The following OR4K17 variants were observed in gnomAD, a reference collection of about 807,000 sequenced individuals.
The protein encoded by OR4K17 is olfactory receptor family 4 subfamily K member 17.
For synonymous variants in OR4K17, 157 were observed against 132.8 expected (o/e 1.18, Z -1.25); for missense variants, 480 against 366.3 (o/e 1.31, Z -2.53).
In OR4K17 at chr14:20,121,589, C is replaced by T. The variant is rs1340220337; in HGVS notation, c.*3151C>T. The T allele has an allele frequency of 6.6e-6, 1 of 151,478 alleles. No individual in the cohort carries two copies. Among genetic ancestry groups the T allele is most frequent in the South Asian group, 2.1e-4 (1 of 4,802 alleles). The allele number at this position is 151,478 out of a possible 1,614,324, so 9.4% of individuals were successfully genotyped here. A position where few individuals can be genotyped will look rare whatever the true frequency, so the allele number is the denominator to read the frequency against. ...TAACCATAAGATGTGTTATGTAAGC[C>T]TTATGGTAACTACAAATGAAAAACC... On this transcript the variant is annotated 3_prime_UTR_variant, in exon 2 of 2. Coordinates refer to ENST00000641386, the MANE Select transcript of OR4K17 (RefSeq NM_001004715.5).
chr14:20,113,037 A>G (rs1475220675), intron 1 of OR4K17, among the ~76,000 whole-genome samples: 3 of 152,066 alleles, frequency 2.0e-5, no homozygotes, highest in Non-Finnish European at 2.9e-5. Flanking sequence ...TATTGATACA[A>G]TTTGTCATAG....
At chr14:20,115,233 A>G (rs1300409613) in intron 1 of OR4K17, among the ~76,000 whole-genome samples, 4 of 152,134 alleles carry the variant, frequency 2.6e-5, no homozygotes, top group Non-Finnish European at 5.9e-5. Context: ...AAGTGTTTTC[A>G]GGTCCTGGCA....
chr14:20,113,899 CA>C (rs1877932693), intron 1 of OR4K17, among the ~76,000 whole-genome samples: 6 of 151,898 alleles, frequency 4.0e-5, no homozygotes, highest in Admixed American at 3.9e-4. Flanking sequence ...TCTCTATTTT[CA>C]AACAAGTGAG....
rs1877866838 is a variant in OR4K17 at position 20,110,791 on chromosome 14, C to G, written c.-134C>G. The G allele has an allele frequency of 6.6e-6, 1 of 151,958 alleles. No individual in the cohort carries two copies. Among genetic ancestry groups the G allele is most frequent in the East Asian group, 1.9e-4 (1 of 5,194 alleles). The allele number at this position is 151,958 out of a possible 1,614,324, so 9.4% of individuals were successfully genotyped here. A position where few individuals can be genotyped will look rare whatever the true frequency, so the allele number is the denominator to read the frequency against. On this transcript the variant is annotated 5_prime_UTR_variant, in exon 1 of 2. Transcript: ENST00000641386. Reference sequence around the variant, plus strand: ...AACTCCCCTGATTGGAGTCTAGATACTTTAGTGACTTGTTTCTTCTATGGA... The same window carrying G: ...AACTCCCCTGATTGGAGTCTAGATAGTTTAGTGACTTGTTTCTTCTATGGA...
chr14:20,116,046 A>T (rs1357686190), intron 1 of OR4K17, among the ~76,000 whole-genome samples: 2 of 152,178 alleles, frequency 1.3e-5, no homozygotes, highest in South Asian at 2.1e-4. Context: ...AGGCCTATGA[A>T]GTATTGGGCC....
At position 20,117,931 on chromosome 14, in the gene OR4K17, T is replaced by C. The variant is rs745381593; in HGVS notation, c.432T>C (p.Leu144=). The change falls in exon 2 of 2, where the codon CTT becomes CTC. Residue 144 remains leucine, a synonymous_variant. Transcript: ENST00000641386. ...TGAACAAGAAGGTATGTGTTTTGCT[T>C]GTAGTGACCTCATGGCTCTTGGGTC... The part of the protein sequence containing the change: ...TIMNKKVCVL[L]VVTSWLLGLL... 6.2e-7 allele frequency: 1 copy of C among 1,614,144 alleles called. No homozygotes were observed. The highest frequency in any genetic ancestry group is 1.1e-5 in the South Asian group (1 of 91,082).
intron 1 of OR4K17, among the ~76,000 whole-genome samples, chr14:20,114,559 G>A (rs968350428): frequency 1.3e-5 from 2 of 151,984 alleles, no homozygotes; most frequent in African/African-American, 4.8e-5. Flanking sequence ...CGCCATTCCA[G>A]GAAGATCAGT....
rs977208261 is a variant in OR4K17 at position 20,118,854 on chromosome 14, G to A, written c.*416G>A. The A allele has an allele frequency of 1.9e-5, 3 of 161,450 alleles. No homozygotes were observed. The highest frequency in any genetic ancestry group is 4.8e-5 in the African/African-American group (2 of 41,456). 10.0% of individuals were successfully genotyped at this position (161,450 alleles called of 1,614,324 possible). On this transcript the variant is annotated 3_prime_UTR_variant, in exon 2 of 2. Coordinates refer to ENST00000641386, the MANE Select transcript of OR4K17 (RefSeq NM_001004715.5). ...GCTAATGAAGTTTTATGCCCCACTG[G>A]GCACTCATTGCCATTGATAACATCT...
rs972329235 is a variant in OR4K17 at position 20,118,029 on chromosome 14, T to A, written c.530T>A (p.Ile177Asn). 1.2e-6 allele frequency: 2 copies of A among 1,614,126 alleles called. No homozygotes were observed. Among genetic ancestry groups the A allele is most frequent in the Middle Eastern group, 1.7e-4 (1 of 6,060 alleles). Reference protein sequence around the residue: ...PFCGPNVVDSIFCDLPLVTKL... With the variant: ...PFCGPNVVDSNFCDLPLVTKL... ...TGTGGTCCCAATGTGGTAGACAGCA[T>A]TTTTTGTGACCTCCCTTTGGTTACT... Residue 177 changes from isoleucine to asparagine, a missense_variant, in exon 2 of 2, where the codon ATT becomes AAT. Physicochemically the swap from Ile to Asn is moderately radical, Grantham distance 149. Transcript: ENST00000641386.
Position 20,117,802 on chromosome 14 carries a change from A to G in OR4K17, c.303A>G (p.Ile101Met). 6.2e-7 allele frequency: 1 copy of G among 1,614,100 alleles called. No individual in the cohort carries two copies. Among genetic ancestry groups the G allele is most frequent in the Non-Finnish European group, 8.5e-7 (1 of 1,180,012 alleles). ...CTTTTGCTGGGTGCTTCACTCAGAT[A>G]TTTCTCCTTCACTTACTGGGTGGGG... The part of the protein sequence containing the change: ...VISFAGCFTQ[I>M]FLLHLLGGVE... Residue 101 changes from isoleucine (I) to methionine (M), a missense_variant, in exon 2 of 2, where the codon ATA (isoleucine) becomes ATG (methionine). Physicochemically the swap from Ile to Met is conservative, Grantham distance 10. Coordinates refer to ENST00000641386, the MANE Select transcript of OR4K17 (RefSeq NM_001004715.5).
rs894261283 is a variant in OR4K17, at chr14:20,117,796, T to C, written c.297T>C (p.Thr99=). 6.8e-6 allele frequency: 11 copies of C among 1,614,042 alleles called. No homozygotes were observed. The highest frequency in any genetic ancestry group is 9.3e-6 in the Non-Finnish European group (11 of 1,180,020). The change falls in exon 2 of 2, where the codon ACT becomes ACC. Residue 99 remains threonine (T), a synonymous_variant. Coordinates refer to ENST00000641386, the MANE Select transcript of OR4K17 (RefSeq NM_001004715.5). ...QKVISFAGCF[T]QIFLLHLLGG... is the part of the protein sequence containing the mutation. ...TAATTTCTTTTGCTGGGTGCTTCAC[T>C]CAGATATTTCTCCTTCACTTACTGG... is the stretch of plus-strand genomic sequence containing the variant.
Position 20,118,088 on chromosome 14 carries a change from G to C in OR4K17, c.589G>C (p.Val197Leu). Residue 197 changes from valine to leucine, a missense_variant, in exon 2 of 2, where the codon GTA becomes CTA. Val to Leu is a conservative substitution (Grantham distance 32). Coordinates refer to ENST00000641386, the MANE Select transcript of OR4K17 (RefSeq NM_001004715.5). ...CTGTATAGACATATATTTTGTACAGGTAGTCATTGTTGCCAACAGTGGCAT... is the reference window on the plus strand; with the variant it reads ...CTGTATAGACATATATTTTGTACAGCTAGTCATTGTTGCCAACAGTGGCAT... ...LACIDIYFVQ[V>L]VIVANSGIIS... 1.2e-6 allele frequency: 2 copies of C among 1,614,020 alleles called. No homozygotes were observed. The highest frequency in any genetic ancestry group is 1.7e-6 in the Non-Finnish European group (2 of 1,179,988).
In OR4K17 at chr14:20,120,316, C is replaced by A. The variant is rs1878132466; in HGVS notation, c.*1878C>A. 6.6e-6 allele frequency: 1 copy of A among 152,164 alleles called. No individual in the cohort carries two copies. The allele number at this position is 152,164 out of a possible 1,614,324, so 9.4% of individuals were successfully genotyped here. A position where few individuals can be genotyped will look rare whatever the true frequency, so the allele number is the denominator to read the frequency against. ...TCCATATCTACCTACACTCATTTTT[C>A]TTGTAGCTTCCAAAATAAGAATTCA... is the stretch of plus-strand genomic sequence containing the variant. On this transcript the variant is annotated 3_prime_UTR_variant, in exon 2 of 2. Coordinates refer to ENST00000641386, the MANE Select transcript of OR4K17 (RefSeq NM_001004715.5).
rs1878038998 is a variant in OR4K17, at chr14:20,117,786, G to A, written c.287G>A (p.Gly96Glu). ...AAGCAGAAGGTAATTTCTTTTGCTGGGTGCTTCACTCAGATATTTCTCCTT... is the reference window on the plus strand; with the variant it reads ...AAGCAGAAGGTAATTTCTTTTGCTGAGTGCTTCACTCAGATATTTCTCCTT... Reference protein sequence around the residue: ...LKKQKVISFAGCFTQIFLLHL... With the variant: ...LKKQKVISFAECFTQIFLLHL... Residue 96 changes from glycine to glutamate, a missense_variant, in exon 2 of 2, where the codon GGG becomes GAG. Physicochemically the swap from Gly to Glu is moderately conservative, Grantham distance 98. Coordinates refer to ENST00000641386, the MANE Select transcript of OR4K17 (RefSeq NM_001004715.5). The A allele has an allele frequency of 6.2e-7, 1 of 1,613,940 alleles. No individual in the cohort carries two copies. The highest frequency in any genetic ancestry group is 8.5e-7 in the Non-Finnish European group (1 of 1,179,982).
Position 20,118,180 on chromosome 14 carries a change from C to T in OR4K17, c.681C>T (p.Asn227=). Residue 227 remains asparagine (N), a synonymous_variant, in exon 2 of 2, where the codon AAC becomes AAT. Coordinates refer to ENST00000641386, the MANE Select transcript of OR4K17 (RefSeq NM_001004715.5). Reference sequence around the variant, plus strand: ...GTCTGATCCTCATAACCATTAAGAACCACTCTCCTACTGGGCAATCTAAAG... The same window carrying T: ...GTCTGATCCTCATAACCATTAAGAATCACTCTCCTACTGGGCAATCTAAAG... ...SYSLILITIK[N]HSPTGQSKAR... 1 of 1,614,106 alleles carries T rather than the reference C, an allele frequency of 6.2e-7. No homozygotes were observed. Among genetic ancestry groups the T allele is most frequent in the Non-Finnish European group, 8.5e-7 (1 of 1,179,974 alleles).
Position 20,118,372 on chromosome 14 carries a change from C to T in OR4K17, c.873C>T (p.Asn291=). The change falls in exon 2 of 2, where the codon AAC becomes AAT. Residue 291 remains asparagine (N), a synonymous_variant. Transcript: ENST00000641386. ...ATCCAATTATCTATACTCTGAGAAA[C>T]AAAGAAATGAAGATATCCATGAAAA... ...ILNPIIYTLR[N]KEMKISMKKL... is the part of the protein sequence containing the mutation. The T allele has an allele frequency of 3.1e-6, 5 of 1,610,008 alleles. No individual in the cohort carries two copies. Among genetic ancestry groups the T allele is most frequent in the Non-Finnish European group, 4.2e-6 (5 of 1,177,218 alleles).
At chr14:20,117,396 T>C in intron 1 of OR4K17, 72 bp from the exon 2 acceptor site, 1 of 1,560,886 alleles carries the variant, frequency 6.4e-7, no homozygotes, top group Non-Finnish European at 8.6e-7. Flanking sequence ...TGCATAAGTT[T>C]GGTTTTTCAT....
intron 1 of OR4K17, among the ~76,000 whole-genome samples, chr14:20,113,966 AAAG>A (rs533200339): frequency 1.4e-4 from 21 of 152,034 alleles, no homozygotes; most frequent in Non-Finnish European, 2.5e-4. Flanking sequence ...TTCATAAGTA[AAAG>A]AAGTACTATA....
intron 1 of OR4K17, chr14:20,112,027 T>A (rs1190259770): frequency 1.3e-5 from 2 of 151,758 alleles, no homozygotes; most frequent in Non-Finnish European, 2.9e-5. Context: ...GCTGGATAGG[T>A]CAAAGTCAGG....
Sources: allele counts gnomAD v4.1 joint callset (sites outside exome capture counted in the v4.1 genomes callset), GRCh38; gene constraint gnomAD v4.1.1; transcripts MANE v1.5; gene names NCBI Gene and HGNC (gene_info 2026-07-23, HGNC 2026-07-21).